Variants in HIVEP3 observed in about 807,000 individuals in gnomAD.
HIVEP3 encodes the protein transcription factor HIVEP3.
HIVEP3 carries 49 observed loss-of-function variants against 152.8 expected under a neutral mutation model. The observed-to-expected ratio is 0.32, with a 90% CI of 0.26 to 0.41. The LOEUF is 0.41. Ranked by LOEUF, HIVEP3 falls within the 10% of genes least tolerant of loss-of-function variation. The pLI is 1.00. For synonymous variants in HIVEP3, 1,269 were observed against 1,289.0 expected (o/e 0.98, Z 0.33); for missense variants, 2,790 against 3,103.3 (o/e 0.90, Z 2.40).
chr1:41,830,161 C>T (rs1388645751), intron 1 of HIVEP3, among the ~76,000 whole-genome samples: 1 of 152,196 alleles, frequency 6.6e-6, no homozygotes, highest in Non-Finnish European at 1.5e-5. Context: ...GGAAGAGCTA[C>T]ATGGAAATAC....
intron 1 of HIVEP3, among the ~76,000 whole-genome samples, chr1:41,991,981 T>C (rs1270177255): frequency 6.7e-6 from 1 of 148,754 alleles, no homozygotes; most frequent in Non-Finnish European, 1.5e-5. Context: ...ATAAATTACG[T>C]ATTGATGGGA....
intron 1 of HIVEP3, among the ~76,000 whole-genome samples, chr1:41,775,046 T>C (rs1193698851): frequency 6.6e-6 from 1 of 151,982 alleles, no homozygotes. Context: ...CAAGCAATCC[T>C]CCCTCCTCGG....
intron 1 of HIVEP3, among the ~76,000 whole-genome samples, chr1:41,786,754 CT>C (rs111637699): frequency 0.011 from 1,494 of 140,674 alleles, 15 homozygotes; most frequent in African/African-American, 0.025. Context: ...AATTTTCTTT[CT>C]TTTTTTTTTT....
chr1:41,927,992 C>T (rs962694176), intron 1 of HIVEP3, among the ~76,000 whole-genome samples: 2 of 129,508 alleles, frequency 1.5e-5, no homozygotes, highest in African/African-American at 5.9e-5. Flanking sequence ...ACCCAGGAGG[C>T]GGAGGTTGCA....
chr1:41,961,862 A>G (rs774677036), intron 1 of HIVEP3, among the ~76,000 whole-genome samples: 5 of 152,272 alleles, frequency 3.3e-5, no homozygotes, highest in Admixed American at 6.5e-5. Context: ...CTCTCCAATT[A>G]GTAATACTGG....
Position 41,583,246 on chromosome 1 carries a change from G to T in HIVEP3, c.1552C>A (p.Pro518Thr), listed in dbSNP as rs761239259. 1.2e-6 allele frequency: 2 copies of T among 1,613,034 alleles called. No homozygotes were observed. The highest frequency in any genetic ancestry group is 2.7e-5 in the African/African-American group (2 of 74,966). The change falls in exon 4 of 9, where the codon CCT becomes ACT. Residue 518 changes from proline to threonine, a missense_variant. Physicochemically the swap from Pro to Thr is conservative, Grantham distance 38. Coordinates refer to ENST00000372583, the MANE Select transcript of HIVEP3 (RefSeq NM_024503.5). The surrounding 1 kb of genome is among the most constrained non-coding windows in gnomAD (Gnocchi z 6.9). ...TGGAGGCTCAGCAGTGATTGTTCAG[G>T]CTTGGTTTTCTCACTGTGGGATGAC... ...PLSSHSEKTK[P>T]EQSLLSLQHP...
Position 41,523,483 on chromosome 1 carries a change from G to A in HIVEP3, c.5383+1252C>T, listed in dbSNP as rs534156650. Among the ~76,000 whole-genome samples, 7 of 152,260 alleles carry A rather than the reference G, an allele frequency of 4.6e-5. No homozygotes were observed. The South Asian group carries it at 1.5e-3, about 32-fold the overall frequency. On this transcript the variant is annotated intron_variant, in intron 6 of 8. Transcript: ENST00000372583. ...TGGCGAGGGGACAGAGGAGGGCAGG[G>A]GTTCAGTTAATGGGGTGAGGAGACC...
intron 1 of HIVEP3, among the ~76,000 whole-genome samples, chr1:41,776,622 C>A (rs1048229144): frequency 6.6e-6 from 1 of 152,192 alleles, no homozygotes; most frequent in Non-Finnish European, 1.5e-5. Flanking sequence ...CTTCACTTTA[C>A]CTGGATTTCT....
chr1:41,861,265 A>G (rs1453718575), intron 1 of HIVEP3, among the ~76,000 whole-genome samples: 2 of 152,190 alleles, frequency 1.3e-5, no homozygotes, highest in African/African-American at 4.8e-5. Context: ...AAAATAATTC[A>G]TGGAGGCCTG....
intron 1 of HIVEP3, among the ~76,000 whole-genome samples, chr1:41,783,993 G>A (rs1649201216): frequency 6.6e-6 from 1 of 152,200 alleles, no homozygotes; most frequent in South Asian, 2.1e-4. Context: ...AAAGTAAAAC[G>A]CTTTAAAAGT....
chr1:41,870,691 G>A (rs1194322314), intron 1 of HIVEP3, among the ~76,000 whole-genome samples: 1 of 152,120 alleles, frequency 6.6e-6, no homozygotes, highest in African/African-American at 2.4e-5. Flanking sequence ...TAATCTACTA[G>A]TAAGTGAAAA....
intron 1 of HIVEP3, among the ~76,000 whole-genome samples, chr1:41,772,979 G>A (rs1360342522): frequency 6.6e-6 from 1 of 152,130 alleles, no homozygotes; most frequent in African/African-American, 2.4e-5. Flanking sequence ...TCTGAACACT[G>A]TATGTGCACT....
intron 1 of HIVEP3, among the ~76,000 whole-genome samples, chr1:41,948,973 C>T (rs187307272): frequency 6.6e-6 from 1 of 152,120 alleles, no homozygotes; most frequent in Admixed American, 6.5e-5. Flanking sequence ...TTTAGTAGGA[C>T]CTCTTGTTTC....
At position 41,790,448 on chromosome 1, in the gene HIVEP3, C is replaced by G. The variant is rs1201599709; in HGVS notation, c.-800-89453G>C. 2.0e-5 allele frequency among the ~76,000 whole-genome samples: 3 copies of G among 152,182 alleles called. No individual in the cohort carries two copies. In the East Asian group the frequency reaches 5.8e-4, roughly 29 times the overall value. On this transcript the variant is annotated intron_variant, in intron 1 of 8. Coordinates refer to ENST00000372583, the MANE Select transcript of HIVEP3 (RefSeq NM_024503.5). ...TAAACCGCTTTTCTGTATAAATTAC[C>G]CAGCCTCGCATATTACTTTATAGCA...
chr1:41,675,534 AGTCTTGTCAG>A (rs1168188194), intron 2 of HIVEP3, among the ~76,000 whole-genome samples: 10 of 152,204 alleles, frequency 6.6e-5, no homozygotes, highest in African/African-American at 2.4e-4. Flanking sequence ...TTATGTGTGC[AGTCTTGTCAG>A]ATGAGAGTGA....
intron 1 of HIVEP3, among the ~76,000 whole-genome samples, chr1:41,981,385 T>C (rs1645292698): frequency 6.6e-6 from 1 of 151,930 alleles, no homozygotes; most frequent in South Asian, 2.1e-4. Flanking sequence ...GCAAACCCCA[T>C]TTATAGGGTC....
intron 2 of HIVEP3, among the ~76,000 whole-genome samples, chr1:41,674,930 C>T (rs56394244): frequency 0.04 from 6,037 of 152,220 alleles, 147 homozygotes; most frequent in Middle Eastern, 0.065. Flanking sequence ...CCCCTTTTCC[C>T]CCACACAGGT....
At position 41,622,028 on chromosome 1, in the gene HIVEP3, C is replaced by A. The variant is rs76650543; in HGVS notation, c.-522+6721G>T. 1.8e-3 allele frequency among the ~76,000 whole-genome samples: 271 copies of A among 152,350 alleles called. 1 individual carries two copies. The highest frequency in any genetic ancestry group is 6.3e-3 in the African/African-American group (260 of 41,588). ...ATTGCTGGCTGGCTTTTGACTGGCTCATATCCTAGCTTTCTAAGCTGACTG... is the reference window on the plus strand; with the variant it reads ...ATTGCTGGCTGGCTTTTGACTGGCTAATATCCTAGCTTTCTAAGCTGACTG... On this transcript the variant is annotated intron_variant, in intron 3 of 8. Transcript: ENST00000372583.
intron 1 of HIVEP3, among the ~76,000 whole-genome samples, chr1:41,891,612 A>G (rs1424722964): frequency 6.6e-6 from 1 of 152,144 alleles, no homozygotes; most frequent in Non-Finnish European, 1.5e-5. Context: ...ATCTCAGCAA[A>G]TGATTTGAAT....
Sources: allele counts gnomAD v4.1 joint callset (sites outside exome capture counted in the v4.1 genomes callset), GRCh38; gene constraint gnomAD v4.1.1; non-coding constraint Gnocchi (gnomAD v3.1); transcripts MANE v1.5; gene names NCBI Gene and HGNC (gene_info 2026-07-23, HGNC 2026-07-21).